The following RPS6KA2 variants were observed in gnomAD, a reference collection of about 807,000 sequenced individuals.
RPS6KA2 encodes the protein ribosomal protein S6 kinase A2, also known as ribosomal protein S6 kinase alpha-2.
Under a neutral mutation model 91.8 loss-of-function variants are expected in RPS6KA2, and 42 were observed. That is an observed-to-expected ratio of 0.46 (90% confidence interval 0.36 to 0.59). The LOEUF (loss-of-function observed/expected upper bound fraction) is 0.59, where lower values mean the gene tolerates loss of function less well. Among genes scored for constraint, RPS6KA2 ranks in the 20% least tolerant of loss-of-function variants. RPS6KA2 has a pLI of 0.00. For missense variants in RPS6KA2, 798 were observed against 978.5 expected (o/e 0.82, Z 2.46); for synonymous variants, 414 against 393.6 (o/e 1.05, Z -0.61).
intron 2 of RPS6KA2, among the ~76,000 whole-genome samples, chr6:166,714,576 G>C (rs1056429532): frequency 2.0e-5 from 3 of 152,238 alleles, no homozygotes; most frequent in Non-Finnish European, 4.4e-5. Flanking sequence ...TAAAGGAGGA[G>C]AGACAGAGAC....
At chr6:166,516,560 A>T (rs1782648772) in intron 3 of RPS6KA2, among the ~76,000 whole-genome samples, 3 of 152,126 alleles carry the variant, frequency 2.0e-5, no homozygotes, top group Admixed American at 2.0e-4. Context: ...AACAAGGAAA[A>T]CTTCTCTGTC....
At chr6:166,630,778 G>A (rs1787051293), upstream of RPS6KA2, among the ~76,000 whole-genome samples, 1 of 152,196 alleles carries the variant, frequency 6.6e-6, no homozygotes, top group Admixed American at 6.5e-5. Flanking sequence ...GTACAGAAAG[G>A]AATCCTTTTC....
intron 2 of RPS6KA2, among the ~76,000 whole-genome samples, chr6:166,839,689 A>G (rs73270718): frequency 0.2 from 1,326 of 6,728 alleles, 180 homozygotes; most frequent in East Asian, 0.47. Flanking sequence ...GCAGGAGAGG[A>G]GAGGGGAGGA....
Position 166,493,107 on chromosome 6 carries a change from T to TC in RPS6KA2, c.748-2367dup, listed in dbSNP as rs1781662501. 6.6e-6 allele frequency among the ~76,000 whole-genome samples: 1 copy of TC among 152,048 alleles called. No individual in the cohort carries two copies. The highest frequency in any genetic ancestry group is 1.5e-5 in the Non-Finnish European group (1 of 67,996). The stretch of plus-strand genomic sequence containing the variant: ...ACTGCTTTGTGGTTCTCTCTCTTCC[T>TC]CCCCTTCTTCCTCCATCCATATGGT... On this transcript the variant is annotated intron_variant, in intron 8 of 20. Transcript: ENST00000265678. This position sits in a 1 kb window ranked among gnomAD's most constrained non-coding sequence, Gnocchi z 4.7.
chr6:166,593,524 G>C, intron 1 of RPS6KA2, among the ~76,000 whole-genome samples: 1 of 152,098 alleles, frequency 6.6e-6, no homozygotes, highest in East Asian at 1.9e-4. Context: ...TCTCAGAATG[G>C]TATCGATTTT....
In RPS6KA2 at chr6:166,582,655, GA is replaced by G. The variant is rs1272593185; in HGVS notation, c.100-43872del. Among the ~76,000 whole-genome samples, 16 of 152,110 alleles carry G rather than the reference GA, an allele frequency of 1.1e-4. No homozygotes were observed. The East Asian group carries it at 2.9e-3, about 27-fold the overall frequency. On this transcript the variant is annotated intron_variant, in intron 1 of 20. Transcript: ENST00000265678. Reference sequence around the variant, plus strand: ...TGAAATGGCATTTATTTTCTCCACAGAAAAAGTGCCAAAAAATGGGCAGTAA... The same window carrying G: ...TGAAATGGCATTTATTTTCTCCACAGAAAAGTGCCAAAAAATGGGCAGTAA...
At chr6:166,442,617 C>G (rs1232604379) in intron 14 of RPS6KA2, among the ~76,000 whole-genome samples, 7 of 152,154 alleles carry the variant, frequency 4.6e-5, no homozygotes, top group Non-Finnish European at 1.0e-4. Context: ...GCCTGCAGCT[C>G]CTGGTCTCAG....
chr6:166,526,481 G>C (rs371837901), intron 3 of RPS6KA2, among the ~76,000 whole-genome samples: 12 of 151,902 alleles, frequency 7.9e-5, no homozygotes, highest in African/African-American at 2.9e-4. Context: ...AAGTAGCTGG[G>C]AATACAGGTG....
In RPS6KA2 at chr6:166,409,383, A is replaced by T. The variant is rs1259041118; in HGVS notation, c.*3379T>A. ...CAAAGGTTATTGTTAGGCTAGAAAA[A>T]GATTACACTTCATAAAACCATGTTT... On this transcript the variant is annotated 3_prime_UTR_variant, in exon 21 of 21. Coordinates refer to ENST00000265678, the MANE Select transcript of RPS6KA2 (RefSeq NM_021135.6). The T allele has an allele frequency of 2.5e-4, 38 of 152,276 alleles. 1 individual carries two copies. The highest frequency in any genetic ancestry group is 1.5e-5 in the Non-Finnish European group (1 of 68,046). The allele number at this position is 152,276 out of a possible 1,614,324, so 9.4% of individuals were successfully genotyped here.
At chr6:166,596,137 C>A (rs1384073794) in intron 1 of RPS6KA2, among the ~76,000 whole-genome samples, 1 of 152,118 alleles carries the variant, frequency 6.6e-6, no homozygotes, top group African/African-American at 2.4e-5. Context: ...GTTTGGAAGG[C>A]GGGGCGGCCT....
At position 166,793,413 on chromosome 6, in the gene RPS6KA2, A is replaced by C. The variant is rs1472207591; in HGVS notation, c.123+64787T>G. Among the ~76,000 whole-genome samples the C allele has an allele frequency of 4.6e-5, 7 of 150,578 alleles. No individual in the cohort carries two copies. In the East Asian group the frequency reaches 1.4e-3, roughly 29 times the overall value. On this transcript the variant is annotated intron_variant, in intron 2 of 21. Coordinates refer to the RPS6KA2 transcript ENST00000503859. Reference sequence around the variant, plus strand: ...TGGGTAGGAAGAATCAATATCGTGAAAATGGCCATACTGCCCAAGGTGATT... The same window carrying C: ...TGGGTAGGAAGAATCAATATCGTGACAATGGCCATACTGCCCAAGGTGATT...
At chr6:166,431,705 C>T (rs1779137937) in intron 15 of RPS6KA2, among the ~76,000 whole-genome samples, 2 of 152,016 alleles carry the variant, frequency 1.3e-5, no homozygotes. Context: ...CAACCTCCAC[C>T]TCCCAGGTTC....
At chr6:166,453,796 A>G (rs1399055182) in intron 12 of RPS6KA2, among the ~76,000 whole-genome samples, 1 of 152,250 alleles carries the variant, frequency 6.6e-6, no homozygotes, top group Non-Finnish European at 1.5e-5. Flanking sequence ...CATGGAATCA[A>G]CCTAAGTGTC....
At chr6:166,829,329 C>T (rs907420898) in intron 2 of RPS6KA2, among the ~76,000 whole-genome samples, 40 of 152,132 alleles carry the variant, frequency 2.6e-4, no homozygotes, top group Admixed American at 3.9e-4. Flanking sequence ...CGGTGGCTCA[C>T]GCCTGTAATC....
At position 166,433,800 on chromosome 6, in the gene RPS6KA2, G is replaced by A. The variant is rs1458519398; in HGVS notation, c.1333-1310C>T. Among the ~76,000 whole-genome samples the A allele has an allele frequency of 2.0e-5, 3 of 152,154 alleles. No individual in the cohort carries two copies. Among genetic ancestry groups the A allele is most frequent in the Admixed American group, 6.5e-5 (1 of 15,282 alleles). On this transcript the variant is annotated intron_variant, in intron 14 of 20. Transcript: ENST00000265678. The surrounding 1 kb of genome is among the most constrained non-coding windows in gnomAD (Gnocchi z 4.4). ...GACAGGGTCTCACTCTGTTGCCTAG[G>A]TTGGAATACAGTGGTACAAGCATAG...
chr6:166,825,699 G>A lies in RPS6KA2; in HGVS notation c.123+32501C>T, dbSNP rs1780034300. ...GCAACTTCTCCCTGTGTCCCCGGTG[G>A]TGGAAGTGGTGAGGGAGCTTTCTGG... On this transcript the variant is annotated intron_variant, in intron 2 of 21. Coordinates refer to the RPS6KA2 transcript ENST00000503859. This position sits in a 1 kb window ranked among gnomAD's most constrained non-coding sequence, Gnocchi z 4.1. 6.6e-6 allele frequency among the ~76,000 whole-genome samples: 1 copy of A among 152,176 alleles called. No homozygotes were observed. The highest frequency in any genetic ancestry group is 2.4e-5 in the African/African-American group (1 of 41,440).
chr6:166,525,692 C>T (rs961065417), intron 3 of RPS6KA2, among the ~76,000 whole-genome samples: 51 of 152,296 alleles, frequency 3.3e-4, no homozygotes, highest in African/African-American at 1.2e-3. Flanking sequence ...TTTTTCAAAA[C>T]ATTTGACTAT....
At chr6:166,700,843 T>C (rs142562678) in intron 2 of RPS6KA2, among the ~76,000 whole-genome samples, 40 of 152,332 alleles carry the variant, frequency 2.6e-4, no homozygotes, top group African/African-American at 8.7e-4. Context: ...AGTGCAGAGC[T>C]CTTCTCTTTC....
intron 2 of RPS6KA2, among the ~76,000 whole-genome samples, chr6:166,769,205 T>C (rs1778400252): frequency 6.6e-6 from 1 of 152,212 alleles, no homozygotes; most frequent in Non-Finnish European, 1.5e-5. Context: ...GAACGCATCA[T>C]CTTTATTTGG....
Sources: allele counts gnomAD v4.1 joint callset (sites outside exome capture counted in the v4.1 genomes callset), GRCh38; gene constraint gnomAD v4.1.1; non-coding constraint Gnocchi (gnomAD v3.1); transcripts MANE v1.5; gene names NCBI Gene and HGNC (gene_info 2026-07-23, HGNC 2026-07-21).